The following FOXP1 variants were observed in gnomAD, a reference collection of about 807,000 sequenced individuals.
FOXP1 encodes forkhead box P1, also known as forkhead box protein P1.
FOXP1 carries 15 observed loss-of-function variants against 98.2 expected under a neutral mutation model. The observed-to-expected ratio is 0.15, with a 90% CI of 0.10 to 0.24. The LOEUF (loss-of-function observed/expected upper bound fraction) is 0.24. Ranked by LOEUF, FOXP1 falls within the 10% of genes least tolerant of loss-of-function variation. The pLI is 1.00. For synonymous variants in FOXP1, 371 were observed against 314.5 expected, an observed-to-expected ratio of 1.18 and a Z score of -1.90; for missense variants, 633 against 848.5, an observed-to-expected ratio of 0.75 and a Z score of 3.15.
At position 71,482,367 on chromosome 3, in the gene FOXP1, C is replaced by CTT. The variant is rs11464442; in HGVS notation, c.-168+11057_-168+11058dup. Reference sequence around the variant, plus strand: ...AACACTATTAAAAATAATACATAACCTTTTTTTTTTTTTTTTTTTGAGACG... The same window carrying CTT: ...AACACTATTAAAAATAATACATAACCTTTTTTTTTTTTTTTTTTTTTGAGACG... On this transcript the variant is annotated intron_variant, in intron 3 of 20. Coordinates refer to ENST00000649528, the MANE Select transcript of FOXP1 (RefSeq NM_001349338.3). Among the ~76,000 whole-genome samples, 440 of 114,116 alleles carry CTT rather than the reference C, an allele frequency of 3.9e-3. 10 individuals are homozygous for CTT. Among genetic ancestry groups the CTT allele is most frequent in the East Asian group, 0.027 (113 of 4,220 alleles). The allele number at this position is 114,116 out of a possible 152,430, so 74.9% of individuals were successfully genotyped here. A position where few individuals can be genotyped will look rare whatever the true frequency, so the allele number is the denominator to read the frequency against.
intron 7 of FOXP1, among the ~76,000 whole-genome samples, chr3:71,090,094 T>A (rs2055629276): frequency 6.6e-6 from 1 of 152,200 alleles, no homozygotes; most frequent in Admixed American, 6.5e-5. Flanking sequence ...AAAGGTTAAA[T>A]GTTGTGTGCA....
intron 6 of FOXP1, among the ~76,000 whole-genome samples, chr3:71,171,409 C>G (rs527913274): frequency 1.3e-5 from 2 of 152,304 alleles, no homozygotes; most frequent in African/African-American, 4.8e-5. Context: ...CCTGGGGGAA[C>G]AATATCTGAA....
intron 2 of FOXP1, among the ~76,000 whole-genome samples, chr3:71,522,489 T>C (rs1435730690): frequency 2.0e-5 from 3 of 152,216 alleles, no homozygotes; most frequent in African/African-American, 7.2e-5. Flanking sequence ...ATTAGCTATG[T>C]GACCTAAGCC....
intron 2 of FOXP1, among the ~76,000 whole-genome samples, chr3:71,534,058 C>G (rs2044084953): frequency 6.6e-6 from 1 of 152,206 alleles, no homozygotes; most frequent in South Asian, 2.1e-4. Context: ...GTCCTGCAGT[C>G]AGCCCTGCAA....
intron 5 of FOXP1, among the ~76,000 whole-genome samples, chr3:71,265,899 C>T (rs2069598136): frequency 6.6e-6 from 1 of 152,162 alleles, no homozygotes; most frequent in Non-Finnish European, 1.5e-5. Context: ...TCATTTCACA[C>T]CTCAGGAAAC....
intron 13 of FOXP1, among the ~76,000 whole-genome samples, chr3:70,997,113 G>C (rs917736151): frequency 6.6e-6 from 1 of 152,186 alleles, no homozygotes; most frequent in African/African-American, 2.4e-5. Flanking sequence ...GTAATGTGCA[G>C]GTAATCCCCT....
chr3:71,030,533 G>A (rs1224298941), intron 11 of FOXP1, among the ~76,000 whole-genome samples: 1 of 152,150 alleles, frequency 6.6e-6, no homozygotes, highest in African/African-American at 2.4e-5. Context: ...CCCTTCTACT[G>A]CAGTGTCAGC....
At chr3:71,152,250 T>C (rs1416162286) in intron 6 of FOXP1, among the ~76,000 whole-genome samples, 1 of 152,108 alleles carries the variant, frequency 6.6e-6, no homozygotes, top group South Asian at 2.1e-4. Context: ...CCTGCATGAA[T>C]TGAATTCCAC....
intron 5 of FOXP1, among the ~76,000 whole-genome samples, chr3:71,252,066 GA>G (rs1422344323): frequency 6.6e-6 from 1 of 151,968 alleles, no homozygotes; most frequent in Non-Finnish European, 1.5e-5. Context: ...GAAGATGACT[GA>G]AAAGATATAA....
chr3:70,973,831 C>A (rs1167235321), intron 17 of FOXP1, among the ~76,000 whole-genome samples: 2 of 44,530 alleles, frequency 4.5e-5, no homozygotes, highest in African/African-American at 1.3e-4. Flanking sequence ...GCGTTTTGCA[C>A]ACCGCCCCCC....
intron 14 of FOXP1, among the ~76,000 whole-genome samples, chr3:70,980,906 C>G (rs770696562): frequency 5.1e-4 from 77 of 152,280 alleles, no homozygotes; most frequent in Middle Eastern, 3.4e-3. Context: ...AGTTTAAGAA[C>G]TTTTCCCTAA....
At chr3:71,581,719 G>A (rs2048183777) in intron 1 of FOXP1, 22 bp from the exon 2 acceptor site, 2 of 985,764 alleles carry the variant, frequency 2.0e-6, no homozygotes, top group Non-Finnish European at 2.4e-6. Context: ...AAGAAACCGG[G>A]GCGACCCTCA....
chr3:71,458,067 C>T (rs962380525), intron 3 of FOXP1, among the ~76,000 whole-genome samples: 5 of 152,184 alleles, frequency 3.3e-5, no homozygotes, highest in African/African-American at 1.2e-4. Context: ...GAAACCAGCT[C>T]CCCTACCAGT....
chr3:71,097,901 T>C (rs2107645877), intron 7 of FOXP1, among the ~76,000 whole-genome samples: 1 of 152,328 alleles, frequency 6.6e-6, no homozygotes, highest in African/African-American at 2.4e-5. Context: ...TGGAAATGCT[T>C]GCCACTGGGT....
chr3:71,509,739 G>T (rs139499168), intron 2 of FOXP1, among the ~76,000 whole-genome samples: 2 of 151,742 alleles, frequency 1.3e-5, no homozygotes, highest in African/African-American at 2.4e-5. Flanking sequence ...AAAATTAGCC[G>T]GGCTCAGTGA....
At chr3:71,020,497 C>G (rs922413325) in intron 11 of FOXP1, among the ~76,000 whole-genome samples, 10 of 152,178 alleles carry the variant, frequency 6.6e-5, no homozygotes, top group Non-Finnish European at 2.9e-5. Context: ...AAGCTTCAAA[C>G]TGGAATTACT....
chr3:71,002,870 C>T (rs1389411643), intron 12 of FOXP1, among the ~76,000 whole-genome samples: 1 of 152,170 alleles, frequency 6.6e-6, no homozygotes, highest in Non-Finnish European at 1.5e-5. Flanking sequence ...TCCATCCACT[C>T]GATGACACTG....
At chr3:71,033,231 C>T (rs2047107537) in intron 11 of FOXP1, among the ~76,000 whole-genome samples, 3 of 152,108 alleles carry the variant, frequency 2.0e-5, no homozygotes, top group South Asian at 4.2e-4. Flanking sequence ...GCGGCAGCGG[C>T]GCATCAAAAA....
At chr3:71,537,024 C>T (rs985511615) in intron 2 of FOXP1, among the ~76,000 whole-genome samples, 1 of 151,982 alleles carries the variant, frequency 6.6e-6, no homozygotes, top group African/African-American at 2.4e-5. Context: ...GTCAGGTGGA[C>T]GTGGGAAAGG....
Sources: allele counts gnomAD v4.1 joint callset (sites outside exome capture counted in the v4.1 genomes callset), GRCh38; gene constraint gnomAD v4.1.1; transcripts MANE v1.5; gene names NCBI Gene and HGNC (gene_info 2026-07-23, HGNC 2026-07-21).